RIMS1: variants seen among roughly 807,000 people sequenced by gnomAD.
The protein encoded by RIMS1 is regulating synaptic membrane exocytosis 1.
In RIMS1, 83 loss-of-function variants were observed where a neutral mutation model predicts 214.1. The observed-to-expected ratio is 0.39, with a 90% CI of 0.32 to 0.47. The LOEUF (loss-of-function observed/expected upper bound fraction) is 0.47, where lower values mean the gene tolerates loss of function less well. RIMS1 is among the 20% of genes least tolerant of loss of function. RIMS1 has a pLI of 0.99. For missense variants in RIMS1, 2,050 were observed against 2,161.8 expected (o/e 0.95, Z 1.03); for synonymous variants, 793 against 786.8 (o/e 1.01, Z -0.13).
intron 29 of RIMS1, among the ~76,000 whole-genome samples, chr6:72,339,659 C>T (rs2096976782): frequency 6.6e-6 from 1 of 152,010 alleles, no homozygotes; most frequent in African/African-American, 2.4e-5. Context: ...GTATATGTGC[C>T]ACATTTTCTT....
intron 26 of RIMS1, among the ~76,000 whole-genome samples, chr6:72,306,733 C>T (rs2095206793): frequency 6.6e-6 from 1 of 152,028 alleles, no homozygotes; most frequent in Non-Finnish European, 1.5e-5. Context: ...CATGAGAAGC[C>T]ACGGACAGAA....
intron 27 of RIMS1, among the ~76,000 whole-genome samples, chr6:72,308,708 G>T (rs953335051): frequency 6.6e-6 from 1 of 152,156 alleles, no homozygotes; most frequent in African/African-American, 2.4e-5. Context: ...AAATGAGACA[G>T]TGTGGAGGGT....
Position 72,183,043 on chromosome 6 carries a change from G to A in RIMS1, c.1572G>A (p.Lys524=). Residue 524 remains lysine, a synonymous_variant, in exon 6 of 34, where the codon AAG becomes AAA. Transcript: ENST00000521978. ...CGCACCGGTCCAAGAGAGGCGGCAA[G>A]AAGCGGCAGATGTCGGTGAGCAGCT... ...PKPHRSKRGG[K]KRQMSVSSSE... is the part of the protein sequence containing the mutation. 2 of 1,599,292 alleles carry A rather than the reference G, an allele frequency of 1.3e-6. No individual in the cohort carries two copies. Among genetic ancestry groups the A allele is most frequent in the Non-Finnish European group, 1.7e-6 (2 of 1,173,794 alleles).
intron 31 of RIMS1, 139 bp from the exon 32 acceptor site, chr6:72,398,110 G>C (rs2098800357): frequency 3.7e-6 from 2 of 538,478 alleles, no homozygotes; most frequent in Non-Finnish European, 6.6e-6. Flanking sequence ...GTGGATTGTG[G>C]AGTGAGGGGT....
intron 22 of RIMS1, among the ~76,000 whole-genome samples, chr6:72,270,497 C>T (rs913386252): frequency 2.0e-5 from 3 of 152,106 alleles, no homozygotes; most frequent in Admixed American, 2.0e-4. Context: ...TTAAAAAACA[C>T]CTTCTACTTT....
Position 72,238,138 on chromosome 6 carries a change from G to A in RIMS1, c.1957+216G>A, listed in dbSNP as rs569171685. On this transcript the variant is annotated intron_variant, in intron 9 of 33. Coordinates refer to ENST00000521978, the MANE Select transcript of RIMS1 (RefSeq NM_014989.7). Reference sequence around the variant, plus strand: ...AATAATAAGTAACTCTACATCAGCAGCAATCTGGAGAGTAAGGGTAGGAAT... The same window carrying A: ...AATAATAAGTAACTCTACATCAGCAACAATCTGGAGAGTAAGGGTAGGAAT... Among the ~76,000 whole-genome samples, 6 of 152,004 alleles carry A rather than the reference G, an allele frequency of 3.9e-5. No individual in the cohort carries two copies. The South Asian group carries it at 8.3e-4, about 21-fold the overall frequency.
In RIMS1 at chr6:72,390,599, G is replaced by C; in HGVS notation, c.4368G>C (p.Glu1456Asp). 1 of 1,611,878 alleles carries C rather than the reference G, an allele frequency of 6.2e-7. No individual in the cohort carries two copies. The highest frequency in any genetic ancestry group is 8.5e-7 in the Non-Finnish European group (1 of 1,178,724). ...GTTTCTTTTACTCTCTCCTGTCAGA[G>C]TCGGGCCACAAAAAGTTAAAAAGTA... Reference protein sequence around the residue: ...SRSTSQLSQTESGHKKLKSTI... With the variant: ...SRSTSQLSQTDSGHKKLKSTI... Residue 1456 changes from glutamate (E) to aspartate (D), a missense_variant and splice_region_variant, in exon 30 of 34, where the codon GAG becomes GAC. Physicochemically the swap from Glu to Asp is conservative, Grantham distance 45. Transcript: ENST00000521978.
intron 28 of RIMS1, among the ~76,000 whole-genome samples, chr6:72,322,911 C>G (rs1188598141): frequency 2.0e-5 from 3 of 152,036 alleles, no homozygotes; most frequent in African/African-American, 7.2e-5. Context: ...GACCAGTGAC[C>G]TGTCTATGCA....
intron 6 of RIMS1, among the ~76,000 whole-genome samples, chr6:72,191,058 C>T (rs569490830): frequency 6.6e-6 from 1 of 152,174 alleles, no homozygotes. Context: ...CCTCAGACAC[C>T]ATTAGATCTG....
At chr6:72,215,186 A>G (rs1329648450) in intron 6 of RIMS1, among the ~76,000 whole-genome samples, 1 of 152,152 alleles carries the variant, frequency 6.6e-6, no homozygotes, top group Non-Finnish European at 1.5e-5. Flanking sequence ...TGCCATCTGT[A>G]TGTCTTCTTA....
chr6:71,896,624 A>T (rs970417114), intron 1 of RIMS1, among the ~76,000 whole-genome samples: 3 of 152,204 alleles, frequency 2.0e-5, no homozygotes, highest in Non-Finnish European at 4.4e-5. Flanking sequence ...CAAATTAAAA[A>T]AAATATGACA....
intron 6 of RIMS1, among the ~76,000 whole-genome samples, chr6:72,189,912 T>C (rs2049780427): frequency 6.6e-6 from 1 of 152,180 alleles, no homozygotes; most frequent in South Asian, 2.1e-4. Context: ...GATACAAATA[T>C]CTTCAGTTTT....
intron 2 of RIMS1, among the ~76,000 whole-genome samples, chr6:72,024,344 T>C (rs7761468): frequency 0.13 from 20,326 of 152,164 alleles, 1,424 homozygotes; most frequent in South Asian, 0.18. Context: ...CTGAATCTAA[T>C]AGACTTTGAC....
intron 2 of RIMS1, among the ~76,000 whole-genome samples, chr6:72,057,492 CTTTTTCTTTTTTTTTTTTTT>C (rs577921745): frequency 3.5e-4 from 47 of 135,204 alleles, no homozygotes; most frequent in Non-Finnish European, 6.4e-4. Flanking sequence ...AGTACACCTT[CTTTTTCTTTTTTTTTTTTTT>C]TTTTTCTTTT....
chr6:72,162,032 G>T, intron 4 of RIMS1, among the ~76,000 whole-genome samples: 1 of 140,568 alleles, frequency 7.1e-6, no homozygotes, highest in Admixed American at 7.3e-5. Flanking sequence ...AAGTCTCTTT[G>T]TAGGTGTCTA....
chr6:72,063,035 A>G (rs79802982), intron 2 of RIMS1, among the ~76,000 whole-genome samples: 18,709 of 152,166 alleles, frequency 0.12, 1,376 homozygotes, highest in South Asian at 0.19. Context: ...GGACTCCAAC[A>G]TATCTTTTTT....
intron 1 of RIMS1, among the ~76,000 whole-genome samples, chr6:71,959,166 AGCCC>A (rs1792173319): frequency 6.6e-6 from 1 of 152,148 alleles, no homozygotes; most frequent in East Asian, 1.9e-4. Flanking sequence ...CAAAAGTAAA[AGCCC>A]AGGTAATAAC....
chr6:72,004,556 GC>G (rs1806667280), intron 2 of RIMS1, among the ~76,000 whole-genome samples: 1 of 151,202 alleles, frequency 6.6e-6, no homozygotes, highest in Non-Finnish European at 1.5e-5. Context: ...TTTAATGATT[GC>G]CATTCTAACT....
At chr6:72,105,012 C>G (rs2463695) in intron 4 of RIMS1, among the ~76,000 whole-genome samples, 323 of 152,212 alleles carry the variant, frequency 2.1e-3, no homozygotes, top group Middle Eastern at 6.8e-3. Flanking sequence ...CTCATGGCAA[C>G]CTAAACCTCC....
Sources: gnomAD v4.1 joint callset for allele counts (sites outside exome capture counted in the v4.1 genomes callset) on GRCh38, gnomAD v4.1.1 for gene constraint, MANE v1.5 for transcripts, NCBI Gene and HGNC (gene_info 2026-07-23, HGNC 2026-07-21) for gene names.